ADARB2: variants seen among roughly 807,000 people sequenced by gnomAD.
The protein encoded by ADARB2 is inactive double-stranded RNA-specific editase B2.
In ADARB2, 25 loss-of-function variants were observed where a neutral mutation model predicts 62.2. That is an observed-to-expected ratio of 0.40 (90% CI 0.29 to 0.56). The LOEUF is 0.56. Among genes scored for constraint, ADARB2 ranks in the 20% least tolerant of loss-of-function variants. ADARB2 has a pLI of 0.43. For missense variants in ADARB2, 1,071 were observed against 1,077.4 expected (o/e 0.99, Z 0.08); for synonymous variants, 572 against 500.8 (o/e 1.14, Z -1.90).
intron 1 of ADARB2, among the ~76,000 whole-genome samples, chr10:1,391,011 C>T (rs1373609126): frequency 6.6e-6 from 1 of 152,182 alleles, no homozygotes. Flanking sequence ...TCACCCCCTG[C>T]CCCCTTAGTT....
At chr10:1,676,170 T>C in intron 1 of ADARB2, 1 of 430,330 alleles carries the variant, frequency 2.3e-6, no homozygotes, top group Non-Finnish European at 3.1e-6. Context: ...AGTGAGTTAA[T>C]CGGTAGTTGG....
chr10:1,723,917 C>A (rs1835129800), intron 1 of ADARB2, among the ~76,000 whole-genome samples: 1 of 152,098 alleles, frequency 6.6e-6, no homozygotes, highest in African/African-American at 2.4e-5. Context: ...AATTTTCTGG[C>A]CCTTATTGAG....
chr10:1,610,654 T>A (rs1833557369), intron 1 of ADARB2, among the ~76,000 whole-genome samples: 1 of 152,062 alleles, frequency 6.6e-6, no homozygotes, highest in Non-Finnish European at 1.5e-5. Flanking sequence ...TGCCTCTCCA[T>A]CCGGGGTCTT....
chr10:1,260,605 G>A (rs868304463), intron 4 of ADARB2, among the ~76,000 whole-genome samples: 6,503 of 151,900 alleles, frequency 0.043, 204 homozygotes, highest in Non-Finnish European at 0.068. Context: ...GGGATGTGAA[G>A]GACCTCTTCA....
In ADARB2 at chr10:1,676,217, G is replaced by A. The variant is rs529498472; in HGVS notation, c.100+60834C>T. ...AGAGGCTCAAAGTCCCACTTCTGCT[G>A]CAGAAGAAAATAAGAGTCCCTGTTT... On this transcript the variant is annotated intron_variant, in intron 1 of 9. Coordinates refer to ENST00000381312, the MANE Select transcript of ADARB2 (RefSeq NM_018702.4). The A allele has an allele frequency of 5.3e-5, 11 of 206,510 alleles. No individual in the cohort carries two copies. The South Asian group carries it at 1.4e-3, about 26-fold the overall frequency. The allele number at this position is 206,510 out of a possible 1,614,324, so 12.8% of individuals were successfully genotyped here. A position where few individuals can be genotyped will look rare whatever the true frequency, so the allele number is the denominator to read the frequency against.
rs78235825 is a variant in ADARB2 at position 1,278,603 on chromosome 10, T to G, written c.1078-7534A>C. ...GCTGCAAAGAACATGATTTCATTCTTTTTTTTTTTTTATGGCATAGCCTGT... is the reference window on the plus strand; with the variant it reads ...GCTGCAAAGAACATGATTTCATTCTGTTTTTTTTTTTATGGCATAGCCTGT... On this transcript the variant is annotated intron_variant, in intron 3 of 9. Coordinates refer to ENST00000381312, the MANE Select transcript of ADARB2 (RefSeq NM_018702.4). Among the ~76,000 whole-genome samples the G allele has an allele frequency of 4.4e-4, 57 of 130,346 alleles. 1 individual carries two copies. In the East Asian group the frequency reaches 0.011, roughly 24 times the overall value. The allele number at this position is 130,346 out of a possible 152,430, so 85.5% of individuals were successfully genotyped here. A position where few individuals can be genotyped will look rare whatever the true frequency, so the allele number is the denominator to read the frequency against.
At chr10:1,208,995 C>T (rs1262138070) in intron 7 of ADARB2, among the ~76,000 whole-genome samples, 1 of 152,176 alleles carries the variant, frequency 6.6e-6, no homozygotes, top group Non-Finnish European at 1.5e-5. Flanking sequence ...CTCAGGGTAT[C>T]CTCTTGTGGT....
chr10:1,467,566 G>A (rs1207463278), intron 1 of ADARB2, among the ~76,000 whole-genome samples: 1 of 152,150 alleles, frequency 6.6e-6, no homozygotes, highest in Non-Finnish European at 1.5e-5. Context: ...AAATCCAAAG[G>A]CACCTGCTGT....
At chr10:1,367,314 T>G (rs1345883531) in intron 2 of ADARB2, among the ~76,000 whole-genome samples, 1 of 152,222 alleles carries the variant, frequency 6.6e-6, no homozygotes, top group Non-Finnish European at 1.5e-5. Context: ...AAATCTCTAT[T>G]TCTCATTTGA....
At chr10:1,260,697 G>A (rs1227499427) in intron 4 of ADARB2, among the ~76,000 whole-genome samples, 1 of 149,536 alleles carries the variant, frequency 6.7e-6, no homozygotes, top group South Asian at 2.2e-4. Flanking sequence ...TGGGTAGGAA[G>A]AATCAATATT....
At chr10:1,622,987 C>A (rs968517351) in intron 1 of ADARB2, among the ~76,000 whole-genome samples, 15 of 152,158 alleles carry the variant, frequency 9.9e-5, no homozygotes, top group Admixed American at 7.2e-4. Flanking sequence ...GAATAGCATT[C>A]CGTAGGCCAA....
intron 4 of ADARB2, among the ~76,000 whole-genome samples, chr10:1,265,134 G>A (rs949702707): frequency 2.6e-5 from 4 of 152,194 alleles, no homozygotes; most frequent in African/African-American, 9.7e-5. Context: ...GCTCTGCCCC[G>A]CCCTCAGGGC....
chr10:1,404,506 G>A (rs565794058), intron 1 of ADARB2, among the ~76,000 whole-genome samples: 4 of 152,348 alleles, frequency 2.6e-5, no homozygotes, highest in East Asian at 1.9e-4. Flanking sequence ...CACTCCTCCC[G>A]CCTGTGCCCT....
intron 1 of ADARB2, among the ~76,000 whole-genome samples, chr10:1,590,180 C>G (rs1266631296): frequency 2.0e-5 from 3 of 152,212 alleles, no homozygotes; most frequent in African/African-American, 7.2e-5. Flanking sequence ...TGAGCCTGCA[C>G]AGGTCAGTGG....
intron 1 of ADARB2, among the ~76,000 whole-genome samples, chr10:1,609,339 C>A (rs912916368): frequency 2.6e-5 from 4 of 152,228 alleles, no homozygotes; most frequent in African/African-American, 9.6e-5. Flanking sequence ...CTGGTCACAG[C>A]GGGTTTGTCT....
At chr10:1,256,870 A>C (rs1831084253) in intron 4 of ADARB2, among the ~76,000 whole-genome samples, 1 of 152,242 alleles carries the variant, frequency 6.6e-6, no homozygotes, top group Non-Finnish European at 1.5e-5. Context: ...AGGAACAAAT[A>C]GGAAACACCT....
Position 1,722,731 on chromosome 10 carries a change from C to T in ADARB2, c.100+14320G>A, listed in dbSNP as rs538955468. On this transcript the variant is annotated intron_variant, in intron 1 of 9. Coordinates refer to ENST00000381312, the MANE Select transcript of ADARB2 (RefSeq NM_018702.4). Reference sequence around the variant, plus strand: ...ATTCCTTAAAGATTTTTACCTTGTGCTGTGATTAATAATTATTTTGGAATT... The same window carrying T: ...ATTCCTTAAAGATTTTTACCTTGTGTTGTGATTAATAATTATTTTGGAATT... Among the ~76,000 whole-genome samples the T allele has an allele frequency of 2.6e-5, 4 of 152,258 alleles. No homozygotes were observed. The East Asian group carries it at 5.8e-4, about 22-fold the overall frequency.
intron 1 of ADARB2, among the ~76,000 whole-genome samples, chr10:1,516,307 C>T (rs1165954084): frequency 1.3e-5 from 2 of 152,218 alleles, no homozygotes; most frequent in South Asian, 2.1e-4. Context: ...GGCAGGTGAG[C>T]TCTGACAGGT....
chr10:1,640,344 C>T (rs371991745), intron 1 of ADARB2, among the ~76,000 whole-genome samples: 19 of 152,188 alleles, frequency 1.2e-4, no homozygotes, highest in African/African-American at 4.1e-4. Context: ...ATCATGGTTC[C>T]TGTCCAGTAT....
Sources: allele counts gnomAD v4.1 joint callset (sites outside exome capture counted in the v4.1 genomes callset), GRCh38; gene constraint gnomAD v4.1.1; transcripts MANE v1.5; gene names NCBI Gene and HGNC (gene_info 2026-07-23, HGNC 2026-07-21).